RBM4: variants seen among roughly 807,000 people sequenced by gnomAD.
RBM4 encodes RNA binding motif protein 4.
A neutral mutation model predicts 29.5 loss-of-function variants in RBM4; 7 were observed. The observed-to-expected ratio is 0.24, with a 90% confidence interval of 0.14 to 0.45. The LOEUF (loss-of-function observed/expected upper bound fraction) is 0.45. Ranked by LOEUF, RBM4 falls within the 20% of genes least tolerant of loss-of-function variation. The pLI, the probability that RBM4 is intolerant of heterozygous loss-of-function variation, is 1.00. For missense variants in RBM4, 387 were observed against 502.3 expected, an observed-to-expected ratio of 0.77 and a Z score of 2.19; for synonymous variants, 220 against 205.4, an observed-to-expected ratio of 1.07 and a Z score of -0.61.
At chr11:66,656,966 T>C (rs991208986) in intron 2 of RBM4, among the ~76,000 whole-genome samples, 1 of 152,182 alleles carries the variant, frequency 6.6e-6, no homozygotes, top group African/African-American at 2.4e-5. Flanking sequence ...ATGCCCAGTT[T>C]GACAATGTAC....
At chr11:66,651,455 C>T (rs1388381349), downstream of RBM4, among the ~76,000 whole-genome samples, 2 of 151,824 alleles carry the variant, frequency 1.3e-5, no homozygotes, top group African/African-American at 4.8e-5. Flanking sequence ...TCACGCCATT[C>T]TCCTGCCTCA....
At chr11:66,661,207 G>GCCTA (rs1200003072) in intron 2 of RBM4, among the ~76,000 whole-genome samples, 1 of 152,198 alleles carries the variant, frequency 6.6e-6, no homozygotes, top group Non-Finnish European at 1.5e-5. Flanking sequence ...CAGCGGCAGA[G>GCCTA]CCTAGCTCTG....
chr11:66,640,534 G>C (rs1938400848), intron 2 of RBM4: 1 of 351,884 alleles, frequency 2.8e-6, no homozygotes, highest in Admixed American at 4.3e-5. Flanking sequence ...TCAAAAACAT[G>C]TCAAGCGACA....
chr11:66,666,250 G>T, exon 3 of RBM4: 1 of 1,048,768 alleles, frequency 9.5e-7, no homozygotes, highest in Non-Finnish European at 1.2e-6. Flanking sequence ...CAATGGCTGG[G>T]GGAAAAAAAA....
downstream of RBM4, among the ~76,000 whole-genome samples, chr11:66,651,044 A>G (rs1292368717): frequency 6.6e-6 from 1 of 152,000 alleles, no homozygotes; most frequent in Admixed American, 6.6e-5. Context: ...CATCCTCAAA[A>G]TTGGGGTTGT....
At chr11:66,654,504 AATTTT>A (rs1320009319) in intron 2 of RBM4, among the ~76,000 whole-genome samples, 1 of 151,610 alleles carries the variant, frequency 6.6e-6, no homozygotes, top group Admixed American at 6.6e-5. Flanking sequence ...TCAAAAAAAA[AATTTT>A]TTTTATTTTT....
chr11:66,660,385 C>T (rs1222407952), intron 2 of RBM4, among the ~76,000 whole-genome samples: 1 of 136,430 alleles, frequency 7.3e-6, no homozygotes, highest in African/African-American at 2.8e-5. Context: ...CAGAGTCTTG[C>T]TCTGCAACCA....
downstream of RBM4, among the ~76,000 whole-genome samples, chr11:66,648,308 C>CAGGTTGT (rs2135075831): frequency 6.6e-6 from 1 of 151,910 alleles, no homozygotes; most frequent in Non-Finnish European, 1.5e-5. Context: ...GTTGTTTGAG[C>CAGGTTGT]TCAGGAGTTC....
chr11:66,660,361 T>C (rs1939051020), intron 2 of RBM4, among the ~76,000 whole-genome samples: 2 of 149,448 alleles, frequency 1.3e-5, no homozygotes, highest in Admixed American at 1.3e-4. Flanking sequence ...CTTTTTTTTT[T>C]TTTTTTTTTG....
At chr11:66,657,204 T>G (rs892840478) in intron 2 of RBM4, among the ~76,000 whole-genome samples, 1 of 149,278 alleles carries the variant, frequency 6.7e-6, no homozygotes, top group African/African-American at 2.5e-5. Flanking sequence ...AGCCTCAACC[T>G]TCTGAGCTGA....
Position 66,643,477 on chromosome 11 carries a change from C to G in RBM4, c.440C>G (p.Thr147Ser). Residue 147 changes from threonine to serine, a missense_variant, in exon 3 of 4, where the codon ACC becomes AGC. Thr to Ser is a moderately conservative substitution (Grantham distance 58). Around this residue, in one of 2 missense-constraint regions of RBM4, gnomAD observed 106 missense variants for 213.6 expected, o/e 0.50. Transcript: ENST00000310092. This position sits in a 1 kb window ranked among gnomAD's most constrained non-coding sequence, Gnocchi z 6.1. The stretch of plus-strand genomic sequence containing the variant: ...AAACGAATGCACGTGCAGTTGTCCA[C>G]CAGCCGGCTTAGGACTGCGCCCGGG... ...QGKRMHVQLS[T>S]SRLRTAPGMG... The G allele has an allele frequency of 6.2e-7, 1 of 1,611,732 alleles. No individual in the cohort carries two copies. Among genetic ancestry groups the G allele is most frequent in the Non-Finnish European group, 8.5e-7 (1 of 1,178,128 alleles).
chr11:66,648,382 A>G (rs570629591), downstream of RBM4, among the ~76,000 whole-genome samples: 2 of 151,494 alleles, frequency 1.3e-5, no homozygotes, highest in East Asian at 3.9e-4. Flanking sequence ...TTAGCTGGGC[A>G]TAGTGGTGCG....
In RBM4 at chr11:66,665,953, CA is replaced by C; in HGVS notation, c.511del (p.Arg171GlufsTer24). On this transcript the variant is annotated frameshift_variant, in exon 3 of 3. Transcript: ENST00000396053. LOFTEE classifies it high-confidence loss of function. ...ATTTAATTTTGGAGTCCAGGAAAAG[CA>C]GAAGATGCTGAGATGTCATATATGG... The C allele has an allele frequency of 6.5e-7, 1 of 1,532,462 alleles. No individual in the cohort carries two copies. Among genetic ancestry groups the C allele is most frequent in the Non-Finnish European group, 8.7e-7 (1 of 1,144,482 alleles). 94.9% of individuals were successfully genotyped at this position (1,532,462 alleles called of 1,614,324 possible). A position where few individuals can be genotyped will look rare whatever the true frequency, so the allele number is the denominator to read the frequency against.
rs569502634 is a variant in RBM4 at position 66,666,058 on chromosome 11, T to G, written c.*93T>G. The G allele has an allele frequency of 2.8e-5, 32 of 1,145,446 alleles. No individual in the cohort carries two copies. The Admixed American group carries it at 6.6e-4, about 23-fold the overall frequency. The allele number at this position is 1,145,446 out of a possible 1,614,324, so 71.0% of individuals were successfully genotyped here. A position where few individuals can be genotyped will look rare whatever the true frequency, so the allele number is the denominator to read the frequency against. ...TTTCAGAAATGATGGTCACAAGGGG[T>G]AGGATATCAAGGAGCAGCCAGTCAT... On this transcript the variant is annotated 3_prime_UTR_variant, in exon 3 of 3. Transcript: ENST00000396053.
Position 66,643,354 on chromosome 11 carries a change from G to T in RBM4, c.413-96G>T. On this transcript the variant is annotated intron_variant, in intron 2 of 3. Transcript: ENST00000310092. The surrounding 1 kb of genome is among the most constrained non-coding windows in gnomAD (Gnocchi z 6.1). ...TAAAGATGAGTCCTGCATTAGAATT[G>T]TCTAGATAAAGCCATTGCTATGACC... 1.1e-5 allele frequency: 15 copies of T among 1,356,802 alleles called. No homozygotes were observed. The highest frequency in any genetic ancestry group is 1.9e-4 in the Middle Eastern group (1 of 5,184). 84.0% of individuals were successfully genotyped at this position (1,356,802 alleles called of 1,614,324 possible). A position where few individuals can be genotyped will look rare whatever the true frequency, so the allele number is the denominator to read the frequency against.
At chr11:66,655,911 A>G (rs1033993394) in intron 2 of RBM4, among the ~76,000 whole-genome samples, 1 of 152,034 alleles carries the variant, frequency 6.6e-6, no homozygotes, top group Non-Finnish European at 1.5e-5. Flanking sequence ...TTTTTTTTTA[A>G]ACACCCTTTC....
chr11:66,656,940 A>G (rs1277663717), intron 2 of RBM4, among the ~76,000 whole-genome samples: 1 of 152,038 alleles, frequency 6.6e-6, no homozygotes, highest in African/African-American at 2.4e-5. Context: ...GATTATAGGC[A>G]CAGTCGTGAG....
At chr11:66,660,351 C>CTTCT (rs752585464) in intron 2 of RBM4, among the ~76,000 whole-genome samples, 247 of 127,568 alleles carry the variant, frequency 1.9e-3, no homozygotes, top group Non-Finnish European at 3.3e-3. Flanking sequence ...GGGAGTCTCT[C>CTTCT]TTTTTTTTTT....
At chr11:66,650,359 CG>C (rs1420751576), downstream of RBM4, among the ~76,000 whole-genome samples, 2 of 151,740 alleles carry the variant, frequency 1.3e-5, no homozygotes, top group African/African-American at 4.8e-5. Context: ...CACCTGAGGT[CG>C]GGAGTTCAAG....
Sources: gnomAD v4.1 joint callset for allele counts (sites outside exome capture counted in the v4.1 genomes callset) on GRCh38, gnomAD v4.1.1 for gene constraint, gnomAD v4.1.1 regional missense constraint, Gnocchi (gnomAD v3.1) non-coding constraint, MANE v1.5 for transcripts, NCBI Gene and HGNC (gene_info 2026-07-23, HGNC 2026-07-21) for gene names.